SMIM41: variants seen among roughly 807,000 people sequenced by gnomAD.
The protein encoded by SMIM41 is small integral membrane protein 41.
At chr12:52,087,768 T>G (rs1280394636) in intron 2 of SMIM41, 1 of 152,270 alleles carries the variant, frequency 6.6e-6, no homozygotes, top group Non-Finnish European at 1.5e-5. Flanking sequence ...GAAGGGCACC[T>G]TAGTGTCTGG....
Position 52,107,659 on chromosome 12 carries a change from C to T in SMIM41, c.*476C>T, listed in dbSNP as rs747546143. 1.0e-4 allele frequency: 56 copies of T among 536,210 alleles called. No homozygotes were observed. The highest frequency in any genetic ancestry group is 8.7e-4 in the East Asian group (18 of 20,660). 33.2% of individuals were successfully genotyped at this position (536,210 alleles called of 1,614,324 possible). On this transcript the variant is annotated 3_prime_UTR_variant, in exon 3 of 3. Transcript: ENST00000546390. ...TCTCTCTTTGCCATTTTTGGAGGCA[C>T]GGAAGAGAGACATGCTCCTGAGTGT...
intron 2 of SMIM41, chr12:52,092,473 G>A (rs867566646): frequency 6.6e-6 from 1 of 152,174 alleles, no homozygotes; most frequent in East Asian, 1.9e-4. Context: ...AATAACTTGA[G>A]GATTCTGTGT....
chr12:52,099,077 T>A (rs1940164078), intron 2 of SMIM41, among the ~76,000 whole-genome samples: 1 of 151,630 alleles, frequency 6.6e-6, no homozygotes, highest in Non-Finnish European at 1.5e-5. Context: ...TTGGGAGTAG[T>A]ATCCTCTCTC....
intron 2 of SMIM41, among the ~76,000 whole-genome samples, chr12:52,098,386 T>C (rs186936944): frequency 3.5e-4 from 54 of 152,118 alleles, no homozygotes; most frequent in East Asian, 3.1e-3. Context: ...ACCTGCAATA[T>C]TGGAAGTAAT....
chr12:52,095,302 G>A (rs1164182866), intron 2 of SMIM41, among the ~76,000 whole-genome samples: 2 of 149,720 alleles, frequency 1.3e-5, no homozygotes, highest in African/African-American at 4.9e-5. Context: ...TGGATATTAC[G>A]ATCCACATCG....
intron 1 of SMIM41, among the ~76,000 whole-genome samples, chr12:52,082,790 G>A (rs571790852): frequency 6.6e-6 from 1 of 152,170 alleles, no homozygotes; most frequent in South Asian, 2.1e-4. Flanking sequence ...GGTTTATGGA[G>A]TCCATTCCTC....
chr12:52,085,334 T>G (rs1447972753), intron 2 of SMIM41, among the ~76,000 whole-genome samples: 2 of 152,332 alleles, frequency 1.3e-5, no homozygotes, highest in Admixed American at 1.3e-4. Flanking sequence ...ATTTGAATTC[T>G]GGCACCGTAG....
chr12:52,084,397 AAC>A (rs1468783773), intron 2 of SMIM41, among the ~76,000 whole-genome samples: 1 of 151,974 alleles, frequency 6.6e-6, no homozygotes, highest in African/African-American at 2.4e-5. Flanking sequence ...AACAAAAAAA[AAC>A]AAACAAAAAC....
chr12:52,098,737 G>GGC (rs1565669992), intron 2 of SMIM41, among the ~76,000 whole-genome samples: 1 of 137,156 alleles, frequency 7.3e-6, no homozygotes, highest in African/African-American at 3.2e-5. Context: ...AATATCACGG[G>GGC]GGGGGGGGTG....
chr12:52,085,872 C>G (rs1001923702), intron 2 of SMIM41, among the ~76,000 whole-genome samples: 1 of 152,198 alleles, frequency 6.6e-6, no homozygotes, highest in African/African-American at 2.4e-5. Flanking sequence ...ATGTCCGCTG[C>G]TGATGGGGCC....
intron 2 of SMIM41, among the ~76,000 whole-genome samples, chr12:52,093,156 C>T (rs1940032816): frequency 6.6e-6 from 1 of 152,160 alleles, no homozygotes; most frequent in South Asian, 2.1e-4. Context: ...TGAGATCTCA[C>T]CACTGCACTC....
At chr12:52,092,420 C>T (rs920217900) in intron 2 of SMIM41, 21 of 152,222 alleles carry the variant, frequency 1.4e-4, no homozygotes, top group African/African-American at 4.3e-4. Flanking sequence ...GGTCCTCTAG[C>T]GCCAAGGGAC....
At chr12:52,087,010 G>A (rs917579151) in intron 2 of SMIM41, among the ~76,000 whole-genome samples, 2 of 152,132 alleles carry the variant, frequency 1.3e-5, no homozygotes, top group African/African-American at 4.8e-5. Context: ...CACTGAGAAT[G>A]GTCACGGGGT....
intron 2 of SMIM41, among the ~76,000 whole-genome samples, chr12:52,094,195 T>C (rs1474503593): frequency 6.8e-6 from 1 of 147,342 alleles, no homozygotes; most frequent in Non-Finnish European, 1.5e-5. Flanking sequence ...ATGAAGTTTT[T>C]GATTTTTTTT....
chr12:52,095,990 T>C (rs1422026852), intron 2 of SMIM41, among the ~76,000 whole-genome samples: 1 of 152,070 alleles, frequency 6.6e-6, no homozygotes, highest in East Asian at 1.9e-4. Flanking sequence ...AGAATGGATG[T>C]ACACCCCCGG....
intron 2 of SMIM41, among the ~76,000 whole-genome samples, chr12:52,097,859 T>C (rs992006105): frequency 1.1e-4 from 16 of 152,038 alleles, no homozygotes; most frequent in African/African-American, 3.9e-4. Flanking sequence ...TAGAGAGTAG[T>C]AGTATTTTCT....
intron 2 of SMIM41, among the ~76,000 whole-genome samples, chr12:52,107,026 C>T (rs1940354115): frequency 6.6e-6 from 1 of 152,124 alleles, no homozygotes; most frequent in Admixed American, 6.6e-5. Flanking sequence ...AAAAGATAGG[C>T]TGTATTTTCT....
At position 52,079,788 on chromosome 12, in the gene SMIM41, CTCTCAGGCGGGCGCCGCG is replaced by C. The variant is rs1490064717; in HGVS notation, c.10_27del (p.Ser4_Ala9del). 7.6e-6 allele frequency: 3 copies of C among 393,420 alleles called. No individual in the cohort carries two copies. The highest frequency in any genetic ancestry group is 8.9e-5 in the Admixed American group (2 of 22,550). The allele number at this position is 393,420 out of a possible 1,614,324, so 24.4% of individuals were successfully genotyped here. A position where few individuals can be genotyped will look rare whatever the true frequency, so the allele number is the denominator to read the frequency against. Reference sequence around the variant, plus strand: ...GCAGCCGGCGCTGGAGCATGAACGGCTCTCAGGCGGGCGCCGCGGCTCAGGCCGCCTGGCTGAGCTCCT... The same window carrying C: ...GCAGCCGGCGCTGGAGCATGAACGGCGCTCAGGCCGCCTGGCTGAGCTCCT... On this transcript the variant is annotated inframe_deletion, in exon 1 of 3. Coordinates refer to ENST00000546390, the MANE Select transcript of SMIM41 (RefSeq NM_001369216.1).
At position 52,081,906 on chromosome 12, in the gene SMIM41, C is replaced by G. The variant is rs1939824524; in HGVS notation, c.*120+1725C>G. On this transcript the variant is annotated intron_variant, in intron 1 of 2. Transcript: ENST00000546390. This position sits in a 1 kb window ranked among gnomAD's most constrained non-coding sequence, Gnocchi z 4.1. Reference sequence around the variant, plus strand: ...ACTTGGGGGCCCCTCTCACTCTGTCCTCTTCCCTTCCCTGCTTTCTCATCA... The same window carrying G: ...ACTTGGGGGCCCCTCTCACTCTGTCGTCTTCCCTTCCCTGCTTTCTCATCA... 1 of 152,438 alleles carries G rather than the reference C, an allele frequency of 6.6e-6. No individual in the cohort carries two copies. The highest frequency in any genetic ancestry group is 1.9e-4 in the East Asian group (1 of 5,190). 9.4% of individuals were successfully genotyped at this position (152,438 alleles called of 1,614,324 possible). A position where few individuals can be genotyped will look rare whatever the true frequency, so the allele number is the denominator to read the frequency against.
Sources: gnomAD v4.1 joint callset for allele counts (sites outside exome capture counted in the v4.1 genomes callset) on GRCh38, gnomAD v4.1.1 for gene constraint, Gnocchi (gnomAD v3.1) non-coding constraint, MANE v1.5 for transcripts, NCBI Gene and HGNC (gene_info 2026-07-23, HGNC 2026-07-21) for gene names.